SLC39A14: variants seen among roughly 807,000 people sequenced by gnomAD.
SLC39A14 encodes the protein solute carrier family 39 member 14, also known as metal cation symporter ZIP14.
A neutral mutation model predicts 45.5 loss-of-function variants in SLC39A14; 19 were observed. That is an observed-to-expected ratio of 0.42 (90% CI 0.29 to 0.61). The LOEUF is 0.61. SLC39A14 is among the 20% of genes least tolerant of loss of function. SLC39A14 has a pLI of 0.22. For synonymous variants in SLC39A14, 264 were observed against 251.3 expected (o/e 1.05, Z -0.48); for missense variants, 447 against 616.5 (o/e 0.73, Z 2.91).
chr8:22,377,339 A>G (rs1465801003), intron 1 of SLC39A14, among the ~76,000 whole-genome samples: 1 of 151,728 alleles, frequency 6.6e-6, no homozygotes, highest in East Asian at 1.9e-4. Context: ...TCATCTTGTA[A>G]CTTCGCTGCC....
Position 22,420,499 on chromosome 8 carries a change from G to C in SLC39A14, c.*801G>C, listed in dbSNP as rs1836165192. 1 of 985,318 alleles carries C rather than the reference G, an allele frequency of 1.0e-6. No individual in the cohort carries two copies. Among genetic ancestry groups the C allele is most frequent in the African/African-American group, 1.7e-5 (1 of 57,218 alleles). 61.0% of individuals were successfully genotyped at this position (985,318 alleles called of 1,614,324 possible). On this transcript the variant is annotated 3_prime_UTR_variant, in exon 9 of 9. Transcript: ENST00000381237. ...TGTCTGCAAGAAAACAGTTGGTTTG[G>C]CTGTGATTTTGACCTCCTCTTCCCC...
At chr8:22,423,683 C>A (rs577983587), downstream of SLC39A14, among the ~76,000 whole-genome samples, 1 of 151,988 alleles carries the variant, frequency 6.6e-6, no homozygotes, top group African/African-American at 2.4e-5. Context: ...CCAGGCTGGT[C>A]TCAGAACTCC....
chr8:22,393,185 G>A (rs548584522), intron 1 of SLC39A14: 6 of 985,560 alleles, frequency 6.1e-6, no homozygotes, highest in East Asian at 1.1e-4. Context: ...GGCTTGAGGC[G>A]AAGGTCCTGG....
At chr8:22,405,484 G>T (rs1397018726) in intron 2 of SLC39A14, among the ~76,000 whole-genome samples, 1 of 152,192 alleles carries the variant, frequency 6.6e-6, no homozygotes, top group Non-Finnish European at 1.5e-5. Flanking sequence ...TTGCACTCCA[G>T]CCTGGGCAAC....
chr8:22,410,179 T>C, intron 3 of SLC39A14: 1 of 1,561,818 alleles, frequency 6.4e-7, no homozygotes, highest in Non-Finnish European at 8.8e-7. Flanking sequence ...GCCAATCCCC[T>C]CCTCCCCTAC....
chr8:22,419,959 A>T lies in SLC39A14; in HGVS notation c.*261A>T. The stretch of plus-strand genomic sequence containing the variant: ...CTCAGTGACTCTGGAACCTGAATGC[A>T]GCTTACAAGACAAGCCTGACTTTTT... On this transcript the variant is annotated 3_prime_UTR_variant, in exon 9 of 9. Coordinates refer to ENST00000381237, the MANE Select transcript of SLC39A14 (RefSeq NM_001128431.4). The T allele has an allele frequency of 8.5e-7, 1 of 1,174,238 alleles. No homozygotes were observed. Among genetic ancestry groups the T allele is most frequent in the Non-Finnish European group, 1.1e-6 (1 of 949,612 alleles). The allele number at this position is 1,174,238 out of a possible 1,614,324, so 72.7% of individuals were successfully genotyped here.
chr8:22,399,747 A>G (rs1445935898), intron 1 of SLC39A14, among the ~76,000 whole-genome samples: 1 of 152,344 alleles, frequency 6.6e-6, no homozygotes. Flanking sequence ...TGAGGGGCCG[A>G]GGGGCCGCTG....
rs1836250488 is a variant in SLC39A14 at position 22,421,933 on chromosome 8, T to G, written c.*2235T>G. ...CATAGACAGCTGCCTCAAAGGGAAATCCTCTTTAAACCGTAGTTGGCGCAG... is the reference window on the plus strand; with the variant it reads ...CATAGACAGCTGCCTCAAAGGGAAAGCCTCTTTAAACCGTAGTTGGCGCAG... On this transcript the variant is annotated 3_prime_UTR_variant, in exon 9 of 9. Coordinates refer to ENST00000381237, the MANE Select transcript of SLC39A14 (RefSeq NM_001128431.4). 7 of 985,312 alleles carry G rather than the reference T, an allele frequency of 7.1e-6. No individual in the cohort carries two copies. Among genetic ancestry groups the G allele is most frequent in the Non-Finnish European group, 8.4e-6 (7 of 829,938 alleles). 61.0% of individuals were successfully genotyped at this position (985,312 alleles called of 1,614,324 possible). A position where few individuals can be genotyped will look rare whatever the true frequency, so the allele number is the denominator to read the frequency against.
chr8:22,430,841 CGTT>C (rs773580006), intron 8 of SLC39A14, among the ~76,000 whole-genome samples: 3 of 151,696 alleles, frequency 2.0e-5, no homozygotes, highest in Non-Finnish European at 4.4e-5. Flanking sequence ...CCCAGCTAAT[CGTT>C]GTGTTTTTAG....
intron 1 of SLC39A14, among the ~76,000 whole-genome samples, chr8:22,384,402 A>ACTGC (rs1833671007): frequency 6.7e-6 from 1 of 149,834 alleles, no homozygotes. Context: ...CCTCTCTCCC[A>ACTGC]CTGCCTGCCT....
intron 1 of SLC39A14, among the ~76,000 whole-genome samples, chr8:22,386,958 G>A (rs1833826131): frequency 6.6e-6 from 1 of 152,070 alleles, no homozygotes; most frequent in Non-Finnish European, 1.5e-5. Context: ...GGATCTCTGA[G>A]CCAAGGAATT....
Position 22,421,124 on chromosome 8 carries a change from C to G in SLC39A14, c.*1426C>G. 2 of 985,830 alleles carry G rather than the reference C, an allele frequency of 2.0e-6. No individual in the cohort carries two copies. The highest frequency in any genetic ancestry group is 2.4e-6 in the Non-Finnish European group (2 of 829,922). 61.1% of individuals were successfully genotyped at this position (985,830 alleles called of 1,614,324 possible). On this transcript the variant is annotated 3_prime_UTR_variant, in exon 9 of 9. Transcript: ENST00000381237. The stretch of plus-strand genomic sequence containing the variant: ...GAGATTCTTTAGCCACTTTGGGGAG[C>G]CTGTCTCTCCAGAAGCCTTTCTTAG...
At chr8:22,401,537 C>CTCTT (rs940231975) in intron 1 of SLC39A14, among the ~76,000 whole-genome samples, 1 of 125,406 alleles carries the variant, frequency 8.0e-6, no homozygotes. Context: ...TCTTTCTCTT[C>CTCTT]TCTTTCTTTT....
At position 22,416,271 on chromosome 8, in the gene SLC39A14, C is replaced by A. The variant is rs1393501211; in HGVS notation, c.1138C>A (p.His380Asn). The A allele has an allele frequency of 6.2e-7, 1 of 1,612,938 alleles. No individual in the cohort carries two copies. The highest frequency in any genetic ancestry group is 1.1e-5 in the South Asian group (1 of 91,020). Residue 380 changes from histidine (H) to asparagine (N), a missense_variant, in exon 7 of 9, where the codon CAT becomes AAT. Physicochemically the swap from His to Asn is moderately conservative, Grantham distance 68 (BLOSUM62 1). Around this residue, in one of 2 missense-constraint regions of SLC39A14, gnomAD observed 105 missense variants for 188.4 expected, o/e 0.56. Transcript: ENST00000381237. ...SVAILCEEFP[H>N]ELGDFVILLN... ...GGCCATCCTCTGTGAGGAGTTCCCA[C>A]ATGAGCTAGGTAAGCGTGCGTCCCC...
chr8:22,413,526 C>A (rs2132348639), intron 4 of SLC39A14, among the ~76,000 whole-genome samples: 1 of 152,246 alleles, frequency 6.6e-6, no homozygotes, highest in African/African-American at 2.4e-5. Context: ...CCTGGAAAGT[C>A]AACATGAAAG....
chr8:22,420,572 C>T lies in SLC39A14; in HGVS notation c.*874C>T. On this transcript the variant is annotated 3_prime_UTR_variant, in exon 9 of 9. Transcript: ENST00000381237. ...TGTAGCTGCCTCCTAGAAGCACATT[C>T]TGAGCACATTTGAGACCTCTGTGTT... The T allele has an allele frequency of 1.0e-6, 1 of 985,430 alleles. No homozygotes were observed. Among genetic ancestry groups the T allele is most frequent in the Non-Finnish European group, 1.2e-6 (1 of 829,940 alleles). The allele number at this position is 985,430 out of a possible 1,614,324, so 61.0% of individuals were successfully genotyped here. A position where few individuals can be genotyped will look rare whatever the true frequency, so the allele number is the denominator to read the frequency against.
At chr8:22,371,263 G>A (rs1292248101) in intron 1 of SLC39A14, among the ~76,000 whole-genome samples, 2 of 152,098 alleles carry the variant, frequency 1.3e-5, no homozygotes, top group African/African-American at 4.8e-5. Context: ...GCAGGCCCCA[G>A]AGAATCTTGG....
chr8:22,379,222 C>G (rs2132184608), intron 1 of SLC39A14, among the ~76,000 whole-genome samples: 1 of 152,296 alleles, frequency 6.6e-6, no homozygotes, highest in African/African-American at 2.4e-5. Flanking sequence ...CATCGTAAAT[C>G]CAGGACAATT....
intron 1 of SLC39A14, among the ~76,000 whole-genome samples, chr8:22,394,438 A>G (rs1586684200): frequency 6.6e-6 from 1 of 150,650 alleles, no homozygotes; most frequent in South Asian, 2.1e-4. Context: ...TCCTGCCTCA[A>G]CCTCCCAAGT....
Sources: gnomAD v4.1 joint callset for allele counts (sites outside exome capture counted in the v4.1 genomes callset) on GRCh38, gnomAD v4.1.1 for gene constraint, gnomAD v4.1.1 regional missense constraint, MANE v1.5 for transcripts, NCBI Gene and HGNC (gene_info 2026-07-23, HGNC 2026-07-21) for gene names.